Variants in BICD1 observed in about 807,000 individuals in gnomAD.
The protein encoded by BICD1 is protein bicaudal D homolog 1.
A neutral mutation model predicts 92.5 loss-of-function variants in BICD1; 35 were observed. The observed-to-expected ratio is 0.38, with a 90% CI of 0.29 to 0.50. The LOEUF (loss-of-function observed/expected upper bound fraction) is 0.50. BICD1 is among the 20% of genes least tolerant of loss of function. The pLI is 0.93. For missense variants in BICD1, 950 were observed against 1,189.8 expected (o/e 0.80, Z 2.97); for synonymous variants, 429 against 465.1 (o/e 0.92, Z 1.00).
At chr12:32,124,177 T>C (rs1160507201) in intron 1 of BICD1, among the ~76,000 whole-genome samples, 1 of 152,236 alleles carries the variant, frequency 6.6e-6, no homozygotes, top group East Asian at 1.9e-4. Flanking sequence ...ATGGAATGAA[T>C]GTCTGTTATT....
At chr12:32,286,779 G>T (rs143436827) in intron 2 of BICD1, among the ~76,000 whole-genome samples, 1 of 152,028 alleles carries the variant, frequency 6.6e-6, no homozygotes, top group African/African-American at 2.4e-5. Flanking sequence ...TCATTCCATG[G>T]TCATTAGGGC....
intron 2 of BICD1, among the ~76,000 whole-genome samples, chr12:32,267,941 A>G (rs548957228): frequency 6.6e-6 from 1 of 152,208 alleles, no homozygotes; most frequent in African/African-American, 2.4e-5. Context: ...CTGGGACTAC[A>G]GGCATGGGCC....
Position 32,361,552 on chromosome 12 carries a change from C to CAA in BICD1, c.2765-6103_2765-6102dup, listed in dbSNP as rs369280649. Among the ~76,000 whole-genome samples, 44 of 75,420 alleles carry CAA rather than the reference C, an allele frequency of 5.8e-4. No individual in the cohort carries two copies. In the East Asian group the frequency reaches 7.2e-3, roughly 12 times the overall value. The allele number at this position is 75,420 out of a possible 152,430, so 49.5% of individuals were successfully genotyped here. A position where few individuals can be genotyped will look rare whatever the true frequency, so the allele number is the denominator to read the frequency against. Reference sequence around the variant, plus strand: ...TGGGCAACAGAGCGAGACTCCATCTCAAAAAAAAAAAAAAAAGAAAGAAAG... The same window carrying CAA: ...TGGGCAACAGAGCGAGACTCCATCTCAAAAAAAAAAAAAAAAAAGAAAGAAAG... On this transcript the variant is annotated intron_variant, in intron 8 of 9. Coordinates refer to ENST00000652176, the MANE Select transcript of BICD1 (RefSeq NM_001714.4).
chr12:32,327,674 G>C lies in BICD1; in HGVS notation c.1219G>C (p.Glu407Gln). Residue 407 changes from glutamate (E) to glutamine (Q), a missense_variant, in exon 5 of 10, where the codon GAG (glutamate) becomes CAG (glutamine). Physicochemically the swap from Glu to Gln is conservative, Grantham distance 29. Transcript: ENST00000652176. Reference sequence around the variant, plus strand: ...CTCAGGGGAGGAGGCCCATGACTATGAGGTGGACATCAATGGTTTAGAGAT... The same window carrying C: ...CTCAGGGGAGGAGGCCCATGACTATCAGGTGGACATCAATGGTTTAGAGAT... ...RDSGEEAHDY[E>Q]VDINGLEILE... 3.1e-6 allele frequency: 5 copies of C among 1,614,132 alleles called. No homozygotes were observed. The highest frequency in any genetic ancestry group is 3.4e-6 in the Non-Finnish European group (4 of 1,180,022).
chr12:32,309,599 T>TACTG (rs1325840530), intron 4 of BICD1, among the ~76,000 whole-genome samples: 6 of 152,210 alleles, frequency 3.9e-5, no homozygotes, highest in African/African-American at 1.2e-4. Flanking sequence ...ACTGTCTGAA[T>TACTG]ACTGCCAAGT....
chr12:32,319,552 G>A lies in BICD1; in HGVS notation c.1006-7909G>A, dbSNP rs544289941. Reference sequence around the variant, plus strand: ...CTTTTCTTATAATATGTTTCTCTGGGAGGGAGAGGTCGTTTGTTTTTTAGT... The same window carrying A: ...CTTTTCTTATAATATGTTTCTCTGGAAGGGAGAGGTCGTTTGTTTTTTAGT... On this transcript the variant is annotated intron_variant, in intron 4 of 9. Transcript: ENST00000652176. Among the ~76,000 whole-genome samples, 18 of 152,052 alleles carry A rather than the reference G, an allele frequency of 1.2e-4. No individual in the cohort carries two copies. The East Asian group carries it at 3.5e-3, about 29-fold the overall frequency.
intron 2 of BICD1, among the ~76,000 whole-genome samples, chr12:32,284,765 CT>C (rs1181030031): frequency 1.3e-5 from 2 of 152,178 alleles, no homozygotes; most frequent in Non-Finnish European, 2.9e-5. Flanking sequence ...TCTCAAGTTA[CT>C]TTGCTCCAAC....
intron 8 of BICD1, among the ~76,000 whole-genome samples, chr12:32,346,968 T>TTA (rs1555171330): frequency 6.6e-6 from 1 of 150,650 alleles, no homozygotes; most frequent in African/African-American, 2.4e-5. Context: ...TTTTTTTTTT[T>TTA]AAGACAGAAT....
intron 2 of BICD1, among the ~76,000 whole-genome samples, chr12:32,259,951 T>A (rs1946814502): frequency 6.8e-6 from 1 of 146,122 alleles, no homozygotes; most frequent in Non-Finnish European, 1.5e-5. Context: ...TGAGATGGAG[T>A]TTTGCTCTTA....
At position 32,153,799 on chromosome 12, in the gene BICD1, A is replaced by G. The variant is rs138887612; in HGVS notation, c.213+46255A>G. Among the ~76,000 whole-genome samples the G allele has an allele frequency of 4.8e-3, 695 of 144,976 alleles. 3 individuals are homozygous for G. The highest frequency in any genetic ancestry group is 0.017 in the African/African-American group (633 of 38,206). ...TATATATATGTGTGTGTGTGTGTGTATATATGTAATACATATATATTACAT... is the reference window on the plus strand; with the variant it reads ...TATATATATGTGTGTGTGTGTGTGTGTATATGTAATACATATATATTACAT... On this transcript the variant is annotated intron_variant, in intron 1 of 9. Transcript: ENST00000652176.
intron 2 of BICD1, among the ~76,000 whole-genome samples, chr12:32,225,529 C>G (rs1464152787): frequency 6.6e-6 from 1 of 151,718 alleles, no homozygotes; most frequent in Admixed American, 6.6e-5. Context: ...TCCAGAGCAG[C>G]TGTACCATTT....
At position 32,378,522 on chromosome 12, in the gene BICD1, T is replaced by G. The variant is rs1294140932; in HGVS notation, c.*895T>G. 6.6e-6 allele frequency: 1 copy of G among 152,196 alleles called. No homozygotes were observed. The highest frequency in any genetic ancestry group is 1.5e-5 in the Non-Finnish European group (1 of 68,032). The allele number at this position is 152,196 out of a possible 1,614,324, so 9.4% of individuals were successfully genotyped here. A position where few individuals can be genotyped will look rare whatever the true frequency, so the allele number is the denominator to read the frequency against. On this transcript the variant is annotated 3_prime_UTR_variant, in exon 10 of 10. Transcript: ENST00000652176. ...TAACGTTAAAGAAGGCTCAATAACT[T>G]GAAGGGAAAAAAATGGTGTGTTTAT...
chr12:32,149,472 T>A (rs1943223428), intron 1 of BICD1, among the ~76,000 whole-genome samples: 1 of 152,264 alleles, frequency 6.6e-6, no homozygotes, highest in Admixed American at 6.5e-5. Flanking sequence ...AAATGTATAT[T>A]GCTTCATGTT....
At chr12:32,341,005 T>A (rs1419863030) in intron 8 of BICD1, among the ~76,000 whole-genome samples, 1 of 152,196 alleles carries the variant, frequency 6.6e-6, no homozygotes, top group African/African-American at 2.4e-5. Context: ...TAAAAGCCCA[T>A]AAAACACTTT....
chr12:32,227,331 T>A (rs1375253267), intron 2 of BICD1: 3 of 152,238 alleles, frequency 2.0e-5, no homozygotes, highest in Non-Finnish European at 4.4e-5. Flanking sequence ...TAGCCTCTGA[T>A]GCTGCCCCAA....
intron 2 of BICD1, among the ~76,000 whole-genome samples, chr12:32,263,337 A>C (rs1014823037): frequency 2.0e-5 from 3 of 152,124 alleles, no homozygotes; most frequent in Non-Finnish European, 2.9e-5. Flanking sequence ...TCACGAGGTC[A>C]GGAGTTCAAG....
chr12:32,340,709 C>A (rs976230453), intron 8 of BICD1: 3 of 228,496 alleles, frequency 1.3e-5, no homozygotes, highest in Non-Finnish European at 1.4e-5. Flanking sequence ...ATATCACAAG[C>A]TTTTCCATGT....
intron 9 of BICD1, among the ~76,000 whole-genome samples, chr12:32,371,569 T>C (rs997403505): frequency 6.6e-6 from 1 of 152,022 alleles, no homozygotes; most frequent in Non-Finnish European, 1.5e-5. Flanking sequence ...TTTGGTTTAG[T>C]TTTTTGGCGT....
At chr12:32,171,117 G>A (rs910295111) in intron 1 of BICD1, among the ~76,000 whole-genome samples, 4 of 152,208 alleles carry the variant, frequency 2.6e-5, no homozygotes, top group Non-Finnish European at 4.4e-5. Flanking sequence ...TCCTGGGGAT[G>A]CCTCTCAATA....
Sources: allele counts gnomAD v4.1 joint callset (sites outside exome capture counted in the v4.1 genomes callset), GRCh38; gene constraint gnomAD v4.1.1; transcripts MANE v1.5; gene names NCBI Gene and HGNC (gene_info 2026-07-23, HGNC 2026-07-21).